The following UNC13C variants were observed in gnomAD, a reference collection of about 807,000 sequenced individuals.
UNC13C encodes unc-13 homolog C.
Under a neutral mutation model 245.4 loss-of-function variants are expected in UNC13C, and 174 were observed. The ratio of observed to expected loss-of-function variants is 0.71; its 90% confidence interval spans 0.63 to 0.80. The LOEUF is 0.80. UNC13C is among the 30% of genes least tolerant of loss of function. The pLI, the probability that UNC13C is intolerant of heterozygous loss-of-function variation, is 0.00. For missense variants in UNC13C, 2,829 were observed against 2,602.9 expected (o/e 1.09, Z -1.89); for synonymous variants, 992 against 895.1 (o/e 1.11, Z -1.93).
At chr15:54,615,111 G>A (rs1403517653) in intron 30 of UNC13C, among the ~76,000 whole-genome samples, 6 of 151,816 alleles carry the variant, frequency 4.0e-5, no homozygotes, top group African/African-American at 7.3e-5. Flanking sequence ...TAAATTTTTC[G>A]TGGGTACATG....
rs1420976962 is a variant in UNC13C, at chr15:54,015,957, G to T, written c.2983+71G>T. 6 of 1,294,326 alleles carry T rather than the reference G, an allele frequency of 4.6e-6. No individual in the cohort carries two copies. The African/African-American group carries it at 9.0e-5, about 19-fold the overall frequency. The allele number at this position is 1,294,326 out of a possible 1,614,324, so 80.2% of individuals were successfully genotyped here. A position where few individuals can be genotyped will look rare whatever the true frequency, so the allele number is the denominator to read the frequency against. The stretch of plus-strand genomic sequence containing the variant: ...ATTGGGTAGCACTTCTTTAGAGCAT[G>T]CTCTGTGTTTACTTGGGTGAAAGAG... On this transcript the variant is annotated intron_variant, in intron 2 of 32. Transcript: ENST00000260323.
chr15:54,431,556 A>G (rs2140975585), intron 19 of UNC13C, among the ~76,000 whole-genome samples: 1 of 151,824 alleles, frequency 6.6e-6, no homozygotes, highest in South Asian at 2.1e-4. Flanking sequence ...TGCAAAATCC[A>G]ATTTTTATAA....
intron 13 of UNC13C, among the ~76,000 whole-genome samples, chr15:54,307,316 G>A (rs1172596695): frequency 6.6e-6 from 1 of 151,862 alleles, no homozygotes; most frequent in Non-Finnish European, 1.5e-5. Context: ...AGCTTCACAT[G>A]GCCAAAGGGA....
At chr15:54,165,280 G>T (rs1052339018) in intron 4 of UNC13C, among the ~76,000 whole-genome samples, 4 of 152,048 alleles carry the variant, frequency 2.6e-5, no homozygotes, top group Non-Finnish European at 5.9e-5. Flanking sequence ...TTCACCTAAA[G>T]ATGTTAATAA....
chr15:53,891,524 T>C, the UNC13C span, among the ~76,000 whole-genome samples: 1 of 152,216 alleles, frequency 6.6e-6, no homozygotes, highest in Non-Finnish European at 1.5e-5. Flanking sequence ...AAGAACTTGC[T>C]TTATGAATGT....
chr15:54,104,942 A>G (rs184836377), intron 2 of UNC13C, among the ~76,000 whole-genome samples: 5 of 152,174 alleles, frequency 3.3e-5, no homozygotes, highest in Admixed American at 3.3e-4. Flanking sequence ...CTGAATTTGC[A>G]TTGGTGTATA....
chr15:53,848,713 A>G, the UNC13C span, among the ~76,000 whole-genome samples: 1 of 152,180 alleles, frequency 6.6e-6, no homozygotes, highest in Non-Finnish European at 1.5e-5. Flanking sequence ...CCTGTTTAGA[A>G]TATGAAGTAC....
chr15:53,923,755 CTGTT>C, the UNC13C span, among the ~76,000 whole-genome samples: 8 of 152,172 alleles, frequency 5.3e-5, no homozygotes, highest in Non-Finnish European at 7.3e-5. Context: ...AGAATCATCT[CTGTT>C]TGTAAGTGCT....
At chr15:53,933,308 A>G in the UNC13C span, among the ~76,000 whole-genome samples, 1 of 152,186 alleles carries the variant, frequency 6.6e-6, no homozygotes, top group Non-Finnish European at 1.5e-5. Flanking sequence ...TTTTATAGAT[A>G]TATAATGTAC....
chr15:53,959,489 G>T, the UNC13C span, among the ~76,000 whole-genome samples: 1 of 151,876 alleles, frequency 6.6e-6, no homozygotes, highest in Non-Finnish European at 1.5e-5. Flanking sequence ...ATTCTAACTA[G>T]CCTGTCTTAT....
At chr15:54,098,168 TTTTTA>T (rs959551606) in intron 2 of UNC13C, among the ~76,000 whole-genome samples, 2 of 151,872 alleles carry the variant, frequency 1.3e-5, no homozygotes, top group Non-Finnish European at 2.9e-5. Flanking sequence ...CTCTATAGCG[TTTTTA>T]TTTTATTTTA....
chr15:54,367,578 CATGAATACTGATAGA>C (rs1222812446), intron 17 of UNC13C, among the ~76,000 whole-genome samples: 2 of 152,088 alleles, frequency 1.3e-5, no homozygotes, highest in Non-Finnish European at 2.9e-5. Context: ...GTATCTGCTC[CATGAATACTGATAGA>C]ACGAATGAAT....
chr15:54,012,803 A>T lies in UNC13C; in HGVS notation c.-101A>T. 1 of 939,364 alleles carries T rather than the reference A, an allele frequency of 1.1e-6. No homozygotes were observed. The highest frequency in any genetic ancestry group is 1.7e-5 in the South Asian group (1 of 58,542). 58.2% of individuals were successfully genotyped at this position (939,364 alleles called of 1,614,324 possible). A position where few individuals can be genotyped will look rare whatever the true frequency, so the allele number is the denominator to read the frequency against. ...CCCTTCCTGCTCTTTCCAGTGATTC[A>T]CAGAACTTCTGAACAGTGATGCTTG... On this transcript the variant is annotated 5_prime_UTR_variant, in exon 2 of 33. Coordinates refer to ENST00000260323, the MANE Select transcript of UNC13C (RefSeq NM_001080534.3).
intron 6 of UNC13C, among the ~76,000 whole-genome samples, chr15:54,237,345 T>C (rs2035728207): frequency 6.6e-6 from 1 of 152,116 alleles, no homozygotes; most frequent in African/African-American, 2.4e-5. Flanking sequence ...AGGGGGCTGG[T>C]CATCTTAAGA....
chr15:54,178,495 T>C lies in UNC13C; in HGVS notation c.3071+34811T>C, dbSNP rs371550027. On this transcript the variant is annotated intron_variant, in intron 4 of 32. Coordinates refer to ENST00000260323, the MANE Select transcript of UNC13C (RefSeq NM_001080534.3). ...CACAGAAGAGTAACTCCTAGCATCT[T>C]AAGTGAACTGTGTTTAATAAGTAGT... Among the ~76,000 whole-genome samples the C allele has an allele frequency of 9.8e-5, 15 of 152,302 alleles. No homozygotes were observed. The East Asian group carries it at 2.7e-3, about 27-fold the overall frequency.
chr15:54,159,368 A>G (rs898728134), intron 4 of UNC13C, among the ~76,000 whole-genome samples: 5 of 152,246 alleles, frequency 3.3e-5, no homozygotes, highest in African/African-American at 1.2e-4. Flanking sequence ...AAGGAAGAAG[A>G]CTATACCATT....
chr15:54,190,649 C>A (rs2034152450), intron 4 of UNC13C, among the ~76,000 whole-genome samples: 1 of 151,932 alleles, frequency 6.6e-6, no homozygotes, highest in Non-Finnish European at 1.5e-5. Context: ...CCATGAGGGA[C>A]AGTAAGTTGT....
chr15:54,543,342 G>C (rs1296030576), intron 26 of UNC13C, among the ~76,000 whole-genome samples: 1 of 152,080 alleles, frequency 6.6e-6, no homozygotes, highest in Non-Finnish European at 1.5e-5. Flanking sequence ...ACAGGAAAAA[G>C]AGGGAAAGAT....
chr15:54,443,690 A>C (rs1016079743), intron 19 of UNC13C, among the ~76,000 whole-genome samples: 2 of 151,932 alleles, frequency 1.3e-5, no homozygotes, highest in Admixed American at 6.6e-5. Context: ...ATGATTTATA[A>C]ATTTTCATGT....
Sources: allele counts gnomAD v4.1 joint callset (sites outside exome capture counted in the v4.1 genomes callset), GRCh38; gene constraint gnomAD v4.1.1; transcripts MANE v1.5; gene names NCBI Gene and HGNC (gene_info 2026-07-23, HGNC 2026-07-21).